Variants in TADA2A observed in about 807,000 individuals in gnomAD.
TADA2A encodes transcriptional adapter 2-alpha.
In TADA2A, 38 loss-of-function variants were observed where a neutral mutation model predicts 67.4. The observed-to-expected ratio is 0.56, with a 90% CI of 0.44 to 0.74. The LOEUF (loss-of-function observed/expected upper bound fraction) is 0.74. Ranked by LOEUF, TADA2A falls within the 30% of genes least tolerant of loss-of-function variation. The pLI is 0.00. For missense variants in TADA2A, 454 were observed against 547.0 expected (o/e 0.83, Z 1.70); for synonymous variants, 192 against 181.6 (o/e 1.06, Z -0.46).
At chr17:37,438,231 A>G (rs1279724629) in intron 5 of TADA2A, among the ~76,000 whole-genome samples, 4 of 152,226 alleles carry the variant, frequency 2.6e-5, no homozygotes, top group Admixed American at 6.5e-5. Flanking sequence ...GTAAGATTCA[A>G]GTTTCACAGA....
chr17:37,475,725 A>G (rs1489831599), intron 15 of TADA2A, among the ~76,000 whole-genome samples: 1 of 152,210 alleles, frequency 6.6e-6, no homozygotes, highest in African/African-American at 2.4e-5. Context: ...ACCAGCTCCA[A>G]AAGTGCTGGG....
At chr17:37,467,332 C>A in intron 11 of TADA2A, 122 bp from the exon 12 acceptor site, 1 of 737,430 alleles carries the variant, frequency 1.4e-6, no homozygotes, top group Non-Finnish European at 2.2e-6. Context: ...GAGTAGGATT[C>A]TCCAAATGAA....
At chr17:37,426,637 C>G (rs2052413412) in intron 3 of TADA2A, 1 of 175,924 alleles carries the variant, frequency 5.7e-6, no homozygotes, top group African/African-American at 2.6e-5. Context: ...CCACTCTAGC[C>G]TGGGTGAAAG....
chr17:37,460,892 G>A (rs746654268), intron 9 of TADA2A, among the ~76,000 whole-genome samples: 1 of 152,034 alleles, frequency 6.6e-6, no homozygotes, highest in African/African-American at 2.4e-5. Flanking sequence ...CTACTTGGGA[G>A]GCTAAGGTGA....
intron 4 of TADA2A, among the ~76,000 whole-genome samples, chr17:37,436,045 A>T (rs1353013213): frequency 6.6e-6 from 1 of 152,078 alleles, no homozygotes; most frequent in Non-Finnish European, 1.5e-5. Context: ...AACCTCACAG[A>T]TCTTACAGCT....
Position 37,437,841 on chromosome 17 carries a change from G to A in TADA2A, c.284+12G>A, listed in dbSNP as rs1265077140. On this transcript the variant is annotated intron_variant, in intron 5 of 15. Transcript: ENST00000615182. ...GGCTTTGGAAATTGGTAAGAGCTTG[G>A]TGTTAAGAGTTGTCCTGCCCTAGTG... 3.7e-6 allele frequency: 6 copies of A among 1,612,724 alleles called. No homozygotes were observed. The highest frequency in any genetic ancestry group is 5.1e-6 in the Non-Finnish European group (6 of 1,178,712).
chr17:37,470,460 T>C lies in TADA2A; in HGVS notation c.956T>C (p.Met319Thr), dbSNP rs768470304. 2 of 1,612,204 alleles carry C rather than the reference T, an allele frequency of 1.2e-6. No individual in the cohort carries two copies. The highest frequency in any genetic ancestry group is 1.7e-6 in the Non-Finnish European group (2 of 1,179,434). Reference protein sequence around the residue: ...TREEERLKRTMLSEVLQYIQD... With the variant: ...TREEERLKRTTLSEVLQYIQD... ...GAGGAAGAGCGCCTTAAACGCACTA[T>C]GCTCTCAGAAGTTCTCCAGTATATC... Residue 319 changes from methionine (M) to threonine (T), a missense_variant, in exon 13 of 16, where the codon ATG (methionine) becomes ACG (threonine). Around this residue, in one of 2 missense-constraint regions of TADA2A, gnomAD observed 403 missense variants for 455.5 expected, o/e 0.88. Coordinates refer to ENST00000615182, the MANE Select transcript of TADA2A (RefSeq NM_001166105.3).
At chr17:37,407,286 T>G (rs1462817024) in intron 1 of TADA2A, 1 of 152,740 alleles carries the variant, frequency 6.5e-6, no homozygotes, top group Non-Finnish European at 1.5e-5. Flanking sequence ...CAGATGCCCC[T>G]GACCAGCGTT....
intron 2 of TADA2A, among the ~76,000 whole-genome samples, chr17:37,412,631 A>G (rs372237489): frequency 3.3e-5 from 5 of 152,050 alleles, no homozygotes; most frequent in East Asian, 1.9e-4. Context: ...TAAAAATACA[A>G]AAATTAGCTG....
At chr17:37,440,475 C>T in intron 5 of TADA2A, 30 bp from the exon 6 acceptor site, 1 of 1,609,464 alleles carries the variant, frequency 6.2e-7, no homozygotes, top group Non-Finnish European at 8.5e-7. Context: ...ATACAAGTAC[C>T]ACTTCTCTCT....
At chr17:37,445,346 A>T (rs1386095910) in intron 8 of TADA2A, among the ~76,000 whole-genome samples, 1 of 152,110 alleles carries the variant, frequency 6.6e-6, no homozygotes. Context: ...GCTCACTGCA[A>T]CCTCTGTCTC....
intron 4 of TADA2A, among the ~76,000 whole-genome samples, chr17:37,431,047 G>A (rs1385931197): frequency 6.6e-6 from 1 of 151,608 alleles, no homozygotes; most frequent in African/African-American, 2.4e-5. Flanking sequence ...CACAAATCAT[G>A]ACTTTTTTTT....
chr17:37,455,179 A>T (rs2053351124), intron 8 of TADA2A, among the ~76,000 whole-genome samples: 1 of 152,038 alleles, frequency 6.6e-6, no homozygotes, highest in Non-Finnish European at 1.5e-5. Context: ...ATTCAATCTC[A>T]AGGTGCTTTC....
Position 37,412,935 on chromosome 17 carries a change from G to A in TADA2A, c.25+1545G>A, listed in dbSNP as rs532788596. On this transcript the variant is annotated intron_variant, in intron 2 of 15. Transcript: ENST00000615182. The stretch of plus-strand genomic sequence containing the variant: ...GGTGTTGTTTCCTCTTCAACAATTC[G>A]TGTTTTTTTTGAGATGGAGTCTTGC... 7.9e-5 allele frequency among the ~76,000 whole-genome samples: 12 copies of A among 151,970 alleles called. No homozygotes were observed. The South Asian group carries it at 2.3e-3, about 29-fold the overall frequency.
rs552714110 is a variant in TADA2A at position 37,432,699 on chromosome 17, T to C, written c.193-5039T>C. On this transcript the variant is annotated intron_variant, in intron 4 of 15. Transcript: ENST00000615182. The stretch of plus-strand genomic sequence containing the variant: ...TCTATGTACATATGTTTTCACTGTT[T>C]TTTGGATAAATACCTAGGAGTGAAA... Among the ~76,000 whole-genome samples the C allele has an allele frequency of 5.3e-5, 8 of 152,318 alleles. No individual in the cohort carries two copies. The South Asian group carries it at 1.7e-3, about 32-fold the overall frequency.
chr17:37,425,067 G>T (rs991532424), intron 3 of TADA2A, among the ~76,000 whole-genome samples: 1 of 151,710 alleles, frequency 6.6e-6, no homozygotes, highest in Non-Finnish European at 1.5e-5. Flanking sequence ...TTTTGGTAGA[G>T]ATGGGGTTTT....
intron 10 of TADA2A, 32 bp downstream of exon 10, chr17:37,462,153 T>C: frequency 7.1e-7 from 1 of 1,407,102 alleles, no homozygotes; most frequent in South Asian, 1.3e-5. Flanking sequence ...TATTTTACAA[T>C]TTTTTTCCAA....
At position 37,478,685 on chromosome 17, in the gene TADA2A, A is replaced by T. The variant is rs2053935090; in HGVS notation, c.*1703A>T. The T allele has an allele frequency of 2.0e-5, 3 of 152,244 alleles. No homozygotes were observed. The highest frequency in any genetic ancestry group is 4.4e-5 in the Non-Finnish European group (3 of 68,052). 9.4% of individuals were successfully genotyped at this position (152,244 alleles called of 1,614,324 possible). ...TATAGAAATAACTTCGTCAGAATCG[A>T]CACAAATCACATCGAATAGTTGACT... On this transcript the variant is annotated 3_prime_UTR_variant, in exon 16 of 16. Coordinates refer to ENST00000615182, the MANE Select transcript of TADA2A (RefSeq NM_001166105.3).
chr17:37,465,396 T>C lies in TADA2A; in HGVS notation c.713-35T>C. The stretch of plus-strand genomic sequence containing the variant: ...CTGAAAACTCAGGGATCCTTACATT[T>C]CCCATGACACATTTATGTTTTATTT... On this transcript the variant is annotated intron_variant, in intron 10 of 15. Coordinates refer to ENST00000615182, the MANE Select transcript of TADA2A (RefSeq NM_001166105.3). 2.0e-6 allele frequency: 3 copies of C among 1,521,010 alleles called. No individual in the cohort carries two copies. In the African/African-American group the frequency reaches 4.2e-5, roughly 21 times the overall value. The allele number at this position is 1,521,010 out of a possible 1,614,324, so 94.2% of individuals were successfully genotyped here. A position where few individuals can be genotyped will look rare whatever the true frequency, so the allele number is the denominator to read the frequency against.
Sources: allele counts gnomAD v4.1 joint callset (sites outside exome capture counted in the v4.1 genomes callset), GRCh38; gene constraint gnomAD v4.1.1; regional missense constraint gnomAD v4.1.1; transcripts MANE v1.5; gene names NCBI Gene and HGNC (gene_info 2026-07-23, HGNC 2026-07-21).